RNF24: variants seen among roughly 807,000 people sequenced by gnomAD.
The protein encoded by RNF24 is ring finger protein 24.
In RNF24, 14 loss-of-function variants were observed where a neutral mutation model predicts 20.0. The ratio of observed to expected loss-of-function variants is 0.70; its 90% CI spans 0.46 to 1.10. The LOEUF is 1.10. Among genes scored for constraint, RNF24 ranks in the 50% least tolerant of loss-of-function variants. The pLI is 0.00. For synonymous variants in RNF24, 45 were observed against 61.1 expected (o/e 0.74, Z 1.23); for missense variants, 124 against 177.6 (o/e 0.70, Z 1.71).
At position 3,929,547 on chromosome 20, in the gene RNF24, C is replaced by G. The variant is rs1002048773; in HGVS notation, c.*4516G>C. ...GCCTTCAGTTGCTGCTGCTCAAACT[C>G]CTGCATCAAAGACACAAGAGCTTGC... On this transcript the variant is annotated 3_prime_UTR_variant, in exon 6 of 6. Coordinates refer to ENST00000358395, the MANE Select transcript of RNF24 (RefSeq NM_001134337.3). 2 of 152,388 alleles carry G rather than the reference C, an allele frequency of 1.3e-5. No individual in the cohort carries two copies. Among genetic ancestry groups the G allele is most frequent in the African/African-American group, 4.8e-5 (2 of 41,474 alleles). 9.4% of individuals were successfully genotyped at this position (152,388 alleles called of 1,614,324 possible).
intron 2 of RNF24, among the ~76,000 whole-genome samples, chr20:3,951,357 T>C (rs996663598): frequency 6.6e-6 from 1 of 152,342 alleles, no homozygotes; most frequent in South Asian, 2.1e-4. Flanking sequence ...TTTGAAGATT[T>C]CAATTTAAGA....
chr20:3,999,511 T>C lies in RNF24; in HGVS notation c.-8+15926A>G, dbSNP rs191567967. Among the ~76,000 whole-genome samples, 572 of 152,220 alleles carry C rather than the reference T, an allele frequency of 3.8e-3. 4 individuals are homozygous for C. The highest frequency in any genetic ancestry group is 0.013 in the African/African-American group (521 of 41,524). On this transcript the variant is annotated intron_variant, in intron 1 of 5. Transcript: ENST00000358395. ...GGCTCACGCCTGTAATTCCAGCACATTGGGAGGCCGAGGCGGGCGGATCAG... is the reference window on the plus strand; with the variant it reads ...GGCTCACGCCTGTAATTCCAGCACACTGGGAGGCCGAGGCGGGCGGATCAG...
At chr20:3,954,260 TC>T (rs1020135511) in intron 2 of RNF24, among the ~76,000 whole-genome samples, 1 of 152,108 alleles carries the variant, frequency 6.6e-6, no homozygotes, top group Non-Finnish European at 1.5e-5. Context: ...CTTACTTCTA[TC>T]CCCTGCAACC....
At chr20:3,936,877 G>A (rs777656940) in intron 4 of RNF24, among the ~76,000 whole-genome samples, 29 of 151,970 alleles carry the variant, frequency 1.9e-4, no homozygotes, top group Non-Finnish European at 1.8e-4. Flanking sequence ...TTGCTCTGTC[G>A]CCAGGCTGGA....
intron 1 of RNF24, among the ~76,000 whole-genome samples, chr20:3,999,237 T>C (rs887297093): frequency 6.6e-5 from 10 of 152,216 alleles, no homozygotes; most frequent in African/African-American, 2.4e-4. Flanking sequence ...ACAACAGTCC[T>C]ATAGAGTTGC....
At chr20:4,015,300 C>G (rs1206958546) in intron 1 of RNF24, 137 bp downstream of exon 1, 2 of 152,074 alleles carry the variant, frequency 1.3e-5, no homozygotes, top group Non-Finnish European at 2.9e-5. Flanking sequence ...GCCGAGGCGC[C>G]GGGAGAGTGT....
rs1447569803 is a variant in RNF24, at chr20:3,932,398, G to A, written c.*1665C>T. ...GGAAGCAGTCCAGTTGGCATACCAC[G>A]AATAGGTCACACATAGGAAATGGCC... On this transcript the variant is annotated 3_prime_UTR_variant, in exon 6 of 6. Coordinates refer to ENST00000358395, the MANE Select transcript of RNF24 (RefSeq NM_001134337.3). 2.6e-5 allele frequency: 4 copies of A among 152,290 alleles called. No individual in the cohort carries two copies. The highest frequency in any genetic ancestry group is 4.1e-4 in the South Asian group (2 of 4,834). 9.4% of individuals were successfully genotyped at this position (152,290 alleles called of 1,614,324 possible).
In RNF24 at chr20:3,934,814, C is replaced by T. The variant is rs1023153725; in HGVS notation, c.308+180G>A. Among the ~76,000 whole-genome samples the T allele has an allele frequency of 6.6e-4, 101 of 152,260 alleles. No homozygotes were observed. Among genetic ancestry groups the T allele is most frequent in the African/African-American group, 2.4e-3 (101 of 41,532 alleles). On this transcript the variant is annotated intron_variant, in intron 5 of 5. Transcript: ENST00000358395. This position sits in a 1 kb window ranked among gnomAD's most constrained non-coding sequence, Gnocchi z 4.0. ...GTGGTGGTCACGTTCCACCACTCTG[C>T]TGTCTCCTAATGTCACGCACACACA...
intron 1 of RNF24, among the ~76,000 whole-genome samples, chr20:4,008,840 C>T (rs531344985): frequency 2.4e-4 from 37 of 151,748 alleles, no homozygotes; most frequent in Middle Eastern, 6.8e-3. Flanking sequence ...CCACCATGCC[C>T]GGCCCAAGAC....
intron 1 of RNF24, among the ~76,000 whole-genome samples, chr20:3,979,751 A>G (rs1194743921): frequency 6.6e-6 from 1 of 152,234 alleles, no homozygotes; most frequent in African/African-American, 2.4e-5. Context: ...CAGACCATTT[A>G]GAAGTTAATC....
Position 4,001,345 on chromosome 20 carries a change from T to C in RNF24, c.-8+14092A>G, listed in dbSNP as rs1254427180. 2.5e-4 allele frequency among the ~76,000 whole-genome samples: 38 copies of C among 152,020 alleles called. 2 individuals are homozygous for C. Among genetic ancestry groups the C allele is most frequent in the Admixed American group, 2.5e-3 (38 of 15,250 alleles). On this transcript the variant is annotated intron_variant, in intron 1 of 5. Coordinates refer to ENST00000358395, the MANE Select transcript of RNF24 (RefSeq NM_001134337.3). ...ACAGGAACTTTTAAGTCAGATCATA[T>C]GTAAAATGCCTGAAAAAATATTAAA...
chr20:4,007,311 C>A (rs568343014), intron 1 of RNF24, among the ~76,000 whole-genome samples: 13 of 152,192 alleles, frequency 8.5e-5, no homozygotes, highest in African/African-American at 3.1e-4. Context: ...CCTGACTCTC[C>A]CTAGCCTGAA....
intron 1 of RNF24, among the ~76,000 whole-genome samples, chr20:3,986,736 C>T (rs1479881222): frequency 6.6e-6 from 1 of 151,736 alleles, no homozygotes; most frequent in African/African-American, 2.4e-5. Context: ...CAGCCTTGGC[C>T]TCTCGGGTTC....
chr20:3,999,931 T>C (rs1981248590), intron 1 of RNF24, among the ~76,000 whole-genome samples: 1 of 152,182 alleles, frequency 6.6e-6, no homozygotes, highest in African/African-American at 2.4e-5. Flanking sequence ...AAATCCTATT[T>C]ATATAAGAGG....
At chr20:3,941,869 T>C (rs933309962) in intron 4 of RNF24, among the ~76,000 whole-genome samples, 1 of 150,314 alleles carries the variant, frequency 6.7e-6, no homozygotes, top group Non-Finnish European at 1.5e-5. Flanking sequence ...AGGTGAGGAG[T>C]TCAAGACCAG....
intron 1 of RNF24, among the ~76,000 whole-genome samples, chr20:4,007,933 C>G (rs1982018165): frequency 6.6e-6 from 1 of 150,622 alleles, no homozygotes; most frequent in African/African-American, 2.4e-5. Flanking sequence ...ACAAACACAC[C>G]CCCGCCCCCC....
chr20:4,011,243 C>T (rs1418306800), intron 1 of RNF24, among the ~76,000 whole-genome samples: 1 of 152,096 alleles, frequency 6.6e-6, no homozygotes, highest in Non-Finnish European at 1.5e-5. Context: ...ATTTTCAATC[C>T]AGATTTTAAC....
intron 1 of RNF24, among the ~76,000 whole-genome samples, chr20:3,968,414 G>C (rs2091282179): frequency 6.6e-6 from 1 of 152,196 alleles, no homozygotes; most frequent in Admixed American, 6.5e-5. Context: ...TTTGAGACCA[G>C]CCTGGGAGAC....
intron 4 of RNF24, among the ~76,000 whole-genome samples, chr20:3,942,970 C>T (rs965146169): frequency 3.3e-5 from 5 of 152,064 alleles, no homozygotes; most frequent in Admixed American, 6.5e-5. Context: ...TGTCCATCAC[C>T]GCGCCTGGCT....
Sources: allele counts gnomAD v4.1 joint callset (sites outside exome capture counted in the v4.1 genomes callset), GRCh38; gene constraint gnomAD v4.1.1; non-coding constraint Gnocchi (gnomAD v3.1); transcripts MANE v1.5; gene names NCBI Gene and HGNC (gene_info 2026-07-23, HGNC 2026-07-21).